Variants in DIAPH2 observed in about 807,000 individuals in gnomAD.
DIAPH2 encodes protein diaphanous homolog 2.
DIAPH2 carries 35 observed loss-of-function variants against 92.7 expected under a neutral mutation model. The observed-to-expected ratio is 0.38, with a 90% CI of 0.29 to 0.50. The LOEUF is 0.50. DIAPH2 is among the 20% of genes least tolerant of loss of function. The pLI, the probability that DIAPH2 is intolerant of heterozygous loss-of-function variation, is 0.94. For synonymous variants in DIAPH2, 301 were observed against 280.4 expected, an observed-to-expected ratio of 1.07 and a Z score of -0.73; for missense variants, 701 against 819.5, an observed-to-expected ratio of 0.86 and a Z score of 1.77.
intron 4 of DIAPH2, among the ~76,000 whole-genome samples, chrX:96,843,593 A>G (rs991603533): frequency 3.9e-4 from 43 of 111,223 alleles, no homozygotes; most frequent in African/African-American, 1.4e-3. Context: ...GGTTAGACTC[A>G]CAGATACTTG....
At chrX:97,570,582 T>C (rs1330531187) in intron 26 of DIAPH2, among the ~76,000 whole-genome samples, 3 of 110,517 alleles carry the variant, frequency 2.7e-5, no homozygotes, top group Non-Finnish European at 5.7e-5. Context: ...AGGTAGTCAT[T>C]TGATGCAAAA....
rs2071588281 is a variant in DIAPH2, at chrX:97,600,666, G to A, written c.*1349G>A. The A allele has an allele frequency of 8.9e-6, 1 of 112,214 alleles. No homozygotes were observed. The highest frequency in any genetic ancestry group is 1.9e-5 in the Non-Finnish European group (1 of 53,146). 9.2% of individuals were successfully genotyped at this position (112,214 alleles called of 1,213,427 possible). A position where few individuals can be genotyped will look rare whatever the true frequency, so the allele number is the denominator to read the frequency against. ...TAATGTGGTATAACTTCTCTGGAGTGCAATTTTAAGTCTAATTCATGCAGA... is the reference window on the plus strand; with the variant it reads ...TAATGTGGTATAACTTCTCTGGAGTACAATTTTAAGTCTAATTCATGCAGA... On this transcript the variant is annotated 3_prime_UTR_variant, in exon 27 of 27. Transcript: ENST00000324765.
intron 5 of DIAPH2, among the ~76,000 whole-genome samples, chrX:96,901,358 TTTAA>T (rs1290226138): frequency 9.1e-6 from 1 of 109,572 alleles, no homozygotes; most frequent in Non-Finnish European, 1.9e-5. Flanking sequence ...CTCTTCTTTC[TTTAA>T]TTAATCTCGC....
intron 20 of DIAPH2, among the ~76,000 whole-genome samples, chrX:97,104,400 A>C (rs771211390): frequency 1.4e-4 from 15 of 109,780 alleles, no homozygotes; most frequent in Non-Finnish European, 2.5e-4. Flanking sequence ...TGCCTCTTAA[A>C]GCTCTTAAAG....
chrX:97,234,380 A>T (rs1157934270), intron 22 of DIAPH2, among the ~76,000 whole-genome samples: 1 of 108,115 alleles, frequency 9.2e-6, no homozygotes, highest in Non-Finnish European at 1.9e-5. Context: ...CTGGTGGTGT[A>T]TACCTAGGCA....
chrX:97,476,181 C>A (rs765968749), intron 26 of DIAPH2, among the ~76,000 whole-genome samples: 1 of 112,009 alleles, frequency 8.9e-6, no homozygotes, highest in Non-Finnish European at 1.9e-5. Flanking sequence ...GTAATGTTCA[C>A]ATTTTAGTTA....
At chrX:97,556,489 G>A (rs1390864318) in intron 26 of DIAPH2, among the ~76,000 whole-genome samples, 1 of 111,923 alleles carries the variant, frequency 8.9e-6, no homozygotes, top group Non-Finnish European at 1.9e-5. Context: ...GATTTCTTCT[G>A]AGGGCGCTGA....
At chrX:97,482,294 C>A (rs1360959966) in intron 26 of DIAPH2, among the ~76,000 whole-genome samples, 1 of 111,956 alleles carries the variant, frequency 8.9e-6, no homozygotes, top group African/African-American at 3.2e-5. Context: ...ATGAAATGAG[C>A]AACATTAAGC....
chrX:97,485,983 C>T (rs1441755581), intron 26 of DIAPH2, among the ~76,000 whole-genome samples: 2 of 105,378 alleles, frequency 1.9e-5, no homozygotes, highest in African/African-American at 6.9e-5. Context: ...CCTTCCTTTA[C>T]ACCCCTCCCT....
chrX:96,821,068 A>G (rs1355570796), intron 4 of DIAPH2, among the ~76,000 whole-genome samples: 2 of 111,596 alleles, frequency 1.8e-5, no homozygotes, highest in Non-Finnish European at 3.8e-5. Context: ...AGGAAGTAGT[A>G]TGAGCGCCAA....
At chrX:96,752,252 T>C (rs763915147) in intron 3 of DIAPH2, among the ~76,000 whole-genome samples, 231 of 111,853 alleles carry the variant, frequency 2.1e-3, no homozygotes, top group Non-Finnish European at 3.7e-3. Flanking sequence ...TATGGTCTTT[T>C]CACATGAATG....
In DIAPH2 at chrX:96,830,778, A is replaced by G. The variant is rs1392481321; in HGVS notation, c.448-50801A>G. On this transcript the variant is annotated intron_variant, in intron 4 of 26. Transcript: ENST00000324765. ...TTGAAAAAAAAAGTAACAAATTAAC[A>G]AAGTTTTAAAATGTTCGATAATGGT... Among the ~76,000 whole-genome samples, 3 of 108,983 alleles carry G rather than the reference A, an allele frequency of 2.8e-5. No individual in the cohort carries two copies. In the East Asian group the frequency reaches 8.5e-4, roughly 31 times the overall value. 94.6% of individuals were successfully genotyped at this position (108,983 alleles called of 115,157 possible).
At chrX:97,004,609 G>A (rs138593292) in intron 17 of DIAPH2, among the ~76,000 whole-genome samples, 6,419 of 110,616 alleles carry the variant, frequency 0.058, 466 homozygotes, top group African/African-American at 0.2. Context: ...CAGATTTTTC[G>A]CCATTGGCAT....
At chrX:96,686,583 C>T (rs2063772293) in intron 1 of DIAPH2, among the ~76,000 whole-genome samples, 2 of 111,598 alleles carry the variant, frequency 1.8e-5, no homozygotes, top group South Asian at 7.5e-4. Flanking sequence ...CTTCACTGTT[C>T]CGTGTTGAAC....
chrX:97,286,522 G>A (rs780856748), intron 23 of DIAPH2, among the ~76,000 whole-genome samples: 2 of 111,628 alleles, frequency 1.8e-5, no homozygotes, highest in African/African-American at 6.5e-5. Context: ...TTCCCTTAAT[G>A]TGGGTAATAT....
At chrX:97,216,676 A>G (rs189876430) in intron 22 of DIAPH2, among the ~76,000 whole-genome samples, 9 of 111,578 alleles carry the variant, frequency 8.1e-5, no homozygotes, top group African/African-American at 2.6e-4. Flanking sequence ...AAGAATCAGC[A>G]TGTAACATTT....
At chrX:97,478,173 A>G (rs1049407741) in intron 26 of DIAPH2, among the ~76,000 whole-genome samples, 2 of 111,903 alleles carry the variant, frequency 1.8e-5, no homozygotes, top group African/African-American at 6.5e-5. Context: ...CAATTGTGTA[A>G]TCGTCCCCAT....
At chrX:97,428,698 T>G (rs1180359200) in intron 25 of DIAPH2, among the ~76,000 whole-genome samples, 7 of 111,337 alleles carry the variant, frequency 6.3e-5, no homozygotes, top group African/African-American at 2.3e-4. Context: ...AATTGTCATC[T>G]ACCTCACACT....
At chrX:97,475,485 CAGACAAGGCCTGCTGCAT>C (rs1200698754) in intron 26 of DIAPH2, among the ~76,000 whole-genome samples, 1 of 111,840 alleles carries the variant, frequency 8.9e-6, no homozygotes, top group Non-Finnish European at 1.9e-5. Context: ...GTTTCTGCAG[CAGACAAGGCCTGCTGCAT>C]CCTGTACTGC....
Sources: allele counts gnomAD v4.1 joint callset (sites outside exome capture counted in the v4.1 genomes callset), GRCh38; gene constraint gnomAD v4.1.1; transcripts MANE v1.5; gene names NCBI Gene and HGNC (gene_info 2026-07-23, HGNC 2026-07-21).